Variants in SLC12A3 observed in about 807,000 individuals in gnomAD.
The protein encoded by SLC12A3 is solute carrier family 12 member 3, also known as Na-Cl cotransporter.
Under a neutral mutation model 121.0 loss-of-function variants are expected in SLC12A3, and 104 were observed. The observed-to-expected ratio is 0.86, with a 90% CI of 0.73 to 1.01. SLC12A3 has a LOEUF of 1.01. Ranked by LOEUF, SLC12A3 falls within the 50% of genes least tolerant of loss-of-function variation. The probability of loss-of-function intolerance (pLI) is 0.00; values close to 1 mark genes in which losing one functional copy is unlikely to be tolerated. For missense variants in SLC12A3, 1,328 were observed against 1,356.3 expected, an observed-to-expected ratio of 0.98 and a Z score of 0.33; for synonymous variants, 536 against 533.4, an observed-to-expected ratio of 1.00 and a Z score of -0.07.
At chr16:56,906,556 A>G (rs1487462458) in intron 25 of SLC12A3, 1 of 240,360 alleles carries the variant, frequency 4.2e-6, no homozygotes, top group Non-Finnish European at 8.0e-6. Flanking sequence ...GTAAGTATCC[A>G]AACTAGGAAG....
At chr16:56,885,605 C>T (rs543372993) in intron 15 of SLC12A3, among the ~76,000 whole-genome samples, 1 of 152,220 alleles carries the variant, frequency 6.6e-6, no homozygotes, top group Admixed American at 6.5e-5. Flanking sequence ...ACAGTGGAAA[C>T]GTGCTTTGGT....
intron 21 of SLC12A3, among the ~76,000 whole-genome samples, chr16:56,893,737 C>T (rs984520503): frequency 4.6e-5 from 7 of 152,122 alleles, no homozygotes; most frequent in African/African-American, 9.7e-5. Context: ...CCAATGACCT[C>T]GATTTTTATG....
Position 56,887,066 on chromosome 16 carries a change from C to A in SLC12A3, c.2151C>A (p.Leu717=). ...ACTCGGATGTCATTGCCGAGGACCTCCGCAGAGGCGTCCAGATCCTCATGC... is the reference window on the plus strand; with the variant it reads ...ACTCGGATGTCATTGCCGAGGACCTACGCAGAGGCGTCCAGATCCTCATGC... The part of the protein sequence containing the change: ...AFYSDVIAED[L]RRGVQILMQA... The change falls in exon 17 of 26, where the codon CTC becomes CTA. Residue 717 remains leucine, a synonymous_variant. Transcript: ENST00000563236. The A allele has an allele frequency of 6.2e-7, 1 of 1,614,044 alleles. No homozygotes were observed. The highest frequency in any genetic ancestry group is 8.5e-7 in the Non-Finnish European group (1 of 1,180,038).
At chr16:56,868,737 C>T (rs1022709060) in intron 3 of SLC12A3, among the ~76,000 whole-genome samples, 2 of 152,208 alleles carry the variant, frequency 1.3e-5, no homozygotes, top group Middle Eastern at 3.4e-3. Flanking sequence ...TTTGGGAGGC[C>T]GAGGCAGGTG....
In SLC12A3 at chr16:56,913,386, T is replaced by C. The variant is rs1268353522; in HGVS notation, c.3047T>C (p.Leu1016Pro). Residue 1016 changes from leucine to proline, a missense_variant, in exon 26 of 26, where the codon CTC (leucine) becomes CCC (proline). Leu to Pro is a moderately conservative substitution (Grantham distance 98, BLOSUM62 -3). Transcript: ENST00000563236. The part of the protein sequence containing the change: ...ILIRGNQENV[L>P]TFYCQ ...ATCCGAGGAAACCAGGAAAACGTGC[T>C]CACCTTTTACTGCCAGTAACTCCAG... is the stretch of plus-strand genomic sequence containing the variant. 1 of 1,614,208 alleles carries C rather than the reference T, an allele frequency of 6.2e-7. No individual in the cohort carries two copies. Among genetic ancestry groups the C allele is most frequent in the South Asian group, 1.1e-5 (1 of 91,086 alleles).
intron 22 of SLC12A3, among the ~76,000 whole-genome samples, chr16:56,898,279 G>GTTTTGTTTTGTTTTC (rs2055492986): frequency 6.6e-6 from 1 of 151,754 alleles, no homozygotes; most frequent in Admixed American, 6.6e-5. Context: ...GTTTTGTTTT[G>GTTTTGTTTTGTTTTC]TTTTTTTGAG....
At chr16:56,882,811 G>A (rs1274323110) in intron 13 of SLC12A3, among the ~76,000 whole-genome samples, 4 of 151,786 alleles carry the variant, frequency 2.6e-5, no homozygotes, top group African/African-American at 7.3e-5. Flanking sequence ...ATGTGGTAGC[G>A]GTCACCTGTA....
intron 25 of SLC12A3, chr16:56,904,668 G>A (rs1365244311): frequency 6.9e-6 from 4 of 578,984 alleles, no homozygotes; most frequent in Admixed American, 2.5e-5. Context: ...CAGCTGGCAG[G>A]GGTCGAGGGC....
chr16:56,890,459 T>C, intron 19 of SLC12A3, 103 bp downstream of exon 19: 4 of 967,082 alleles, frequency 4.1e-6, no homozygotes, highest in South Asian at 4.1e-5. Context: ...TACAGACTCA[T>C]AGAAAGTCGC....
chr16:56,892,810 T>G, intron 20 of SLC12A3, 143 bp from the exon 21 acceptor site: 1 of 681,322 alleles, frequency 1.5e-6, no homozygotes, highest in Non-Finnish European at 2.7e-6. Context: ...ATCACAGCAC[T>G]GAGCGTCCTG....
At chr16:56,902,096 AG>A (rs1488720192) in intron 23 of SLC12A3, 2 of 473,738 alleles carry the variant, frequency 4.2e-6, no homozygotes, top group South Asian at 2.0e-5. Flanking sequence ...TGTAGCACAG[AG>A]CCTGGTACAG....
chr16:56,888,549 ATTTT>A (rs749206626), intron 18 of SLC12A3, among the ~76,000 whole-genome samples: 4 of 85,918 alleles, frequency 4.7e-5, no homozygotes, highest in Non-Finnish European at 6.2e-5. Flanking sequence ...AGATCTTTTA[ATTTT>A]TTTTTTTTTT....
chr16:56,874,834 T>C (rs141926227), intron 8 of SLC12A3, among the ~76,000 whole-genome samples: 73 of 152,148 alleles, frequency 4.8e-4, no homozygotes, highest in African/African-American at 1.7e-3. Flanking sequence ...AAAAAAGGAA[T>C]GCACATGGAG....
chr16:56,896,065 A>G (rs2055458112), intron 22 of SLC12A3, among the ~76,000 whole-genome samples: 1 of 152,242 alleles, frequency 6.6e-6, no homozygotes, highest in East Asian at 1.9e-4. Context: ...CTAACAGGCC[A>G]TGGTCAGTAC....
At chr16:56,882,769 C>A (rs1017288640) in intron 13 of SLC12A3, among the ~76,000 whole-genome samples, 1 of 151,962 alleles carries the variant, frequency 6.6e-6, no homozygotes, top group Non-Finnish European at 1.5e-5. Flanking sequence ...ATGGTGAAAC[C>A]CTGTCTCTAC....
intron 25 of SLC12A3, among the ~76,000 whole-genome samples, chr16:56,909,529 C>T (rs2055655723): frequency 6.6e-6 from 1 of 151,024 alleles, no homozygotes; most frequent in Admixed American, 6.7e-5. Context: ...CAAGAGAAGA[C>T]CCCTGCCCAG....
chr16:56,892,902 C>A, intron 20 of SLC12A3, 51 bp from the exon 21 acceptor site: 1 of 1,503,580 alleles, frequency 6.7e-7, no homozygotes. Flanking sequence ...GCCAGGCCTG[C>A]CTGGATGCGC....
At chr16:56,897,588 G>A (rs2144754877) in intron 22 of SLC12A3, among the ~76,000 whole-genome samples, 1 of 152,338 alleles carries the variant, frequency 6.6e-6, no homozygotes, top group African/African-American at 2.4e-5. Context: ...GGGAAAAGCA[G>A]CATCTGCCTT....
chr16:56,878,266 T>A (rs2055192542), intron 9 of SLC12A3, 105 bp downstream of exon 9: 1 of 874,504 alleles, frequency 1.1e-6, no homozygotes, highest in African/African-American at 1.6e-5. Flanking sequence ...GGGGTTCGAC[T>A]CTCTAACAAC....
Sources: gnomAD v4.1 joint callset for allele counts (sites outside exome capture counted in the v4.1 genomes callset) on GRCh38, gnomAD v4.1.1 for gene constraint, MANE v1.5 for transcripts, NCBI Gene and HGNC (gene_info 2026-07-23, HGNC 2026-07-21) for gene names.